RGS6: variants seen among roughly 807,000 people sequenced by gnomAD.
The protein encoded by RGS6 is regulator of G-protein signaling 6.
RGS6 carries 30 observed loss-of-function variants against 78.5 expected under a neutral mutation model. That is an observed-to-expected ratio of 0.38 (90% confidence interval 0.29 to 0.52). RGS6 has a LOEUF of 0.52. RGS6 is among the 20% of genes least tolerant of loss of function. The probability of loss-of-function intolerance (pLI) is 0.85; values close to 1 mark genes in which losing one functional copy is unlikely to be tolerated. For synonymous variants in RGS6, 206 were observed against 206.0 expected, an observed-to-expected ratio of 1.00 and a Z score of 0.00; for missense variants, 495 against 609.7, an observed-to-expected ratio of 0.81 and a Z score of 1.98.
Position 72,562,747 on chromosome 14 carries a change from C to T in RGS6, c.*280C>T. 2.0e-6 allele frequency: 3 copies of T among 1,536,014 alleles called. No individual in the cohort carries two copies. Among genetic ancestry groups the T allele is most frequent in the Non-Finnish European group, 2.6e-6 (3 of 1,146,770 alleles). On this transcript the variant is annotated 3_prime_UTR_variant, in exon 18 of 18. Coordinates refer to ENST00000553525, the MANE Select transcript of RGS6 (RefSeq NM_001204424.2). ...CCAACACTCCACTCGCTAAGAGGCC[C>T]TGATCCCAGCTCATTCAGGGGAGAA... is the stretch of plus-strand genomic sequence containing the variant.
At chr14:72,347,109 T>G (rs2078204205) in intron 2 of RGS6, among the ~76,000 whole-genome samples, 2 of 152,230 alleles carry the variant, frequency 1.3e-5, no homozygotes, top group Admixed American at 1.3e-4. Flanking sequence ...GCTTATTGAT[T>G]GGCACAGTGA....
intron 2 of RGS6, among the ~76,000 whole-genome samples, chr14:72,300,459 G>A (rs186956401): frequency 8.9e-4 from 136 of 152,308 alleles, no homozygotes; most frequent in African/African-American, 3.2e-3. Context: ...GATTATTCCA[G>A]TATAGCAAAA....
At chr14:72,399,070 G>A (rs1288164055) in intron 3 of RGS6, among the ~76,000 whole-genome samples, 2 of 151,124 alleles carry the variant, frequency 1.3e-5, no homozygotes, top group Non-Finnish European at 1.5e-5. Context: ...TATTAGGTCC[G>A]CTTGGTGCAG....
intron 2 of RGS6, among the ~76,000 whole-genome samples, chr14:72,037,888 T>C (rs1394180316): frequency 6.6e-6 from 1 of 152,206 alleles, no homozygotes; most frequent in Non-Finnish European, 1.5e-5. Flanking sequence ...CATATTTCTG[T>C]AGGTTTATTT....
At chr14:72,331,331 G>C (rs1397943926) in intron 2 of RGS6, among the ~76,000 whole-genome samples, 1 of 152,088 alleles carries the variant, frequency 6.6e-6, no homozygotes, top group Non-Finnish European at 1.5e-5. Flanking sequence ...AGGTGGGCAG[G>C]CATTAGGATT....
Position 72,000,901 on chromosome 14 carries a change from C to T in RGS6, c.84+36026C>T, listed in dbSNP as rs554181016. Among the ~76,000 whole-genome samples, 5 of 152,232 alleles carry T rather than the reference C, an allele frequency of 3.3e-5. No homozygotes were observed. In the East Asian group the frequency reaches 9.7e-4, roughly 29 times the overall value. ...GAAAATGGGAGATTGAAATTTGTGG[C>T]TTGTTTTAAAGTGGATTAATTCTTC... On this transcript the variant is annotated intron_variant, in intron 2 of 17. Coordinates refer to ENST00000553525, the MANE Select transcript of RGS6 (RefSeq NM_001204424.2).
intron 3 of RGS6, among the ~76,000 whole-genome samples, chr14:72,367,233 G>A (rs1479115049): frequency 6.6e-6 from 1 of 152,168 alleles, no homozygotes; most frequent in Non-Finnish European, 1.5e-5. Context: ...AATCACTTGT[G>A]TAACTTGTTA....
At chr14:72,606,892 T>C in the RGS6 span, among the ~76,000 whole-genome samples, 1 of 152,056 alleles carries the variant, frequency 6.6e-6, no homozygotes, top group Non-Finnish European at 1.5e-5. Context: ...TCCCTCACCA[T>C]GTGACACACC....
chr14:72,368,076 C>T (rs1417624173), intron 3 of RGS6, among the ~76,000 whole-genome samples: 2 of 152,064 alleles, frequency 1.3e-5, no homozygotes, highest in South Asian at 2.1e-4. Flanking sequence ...AACAGAATGC[C>T]ACAGACTGGG....
chr14:72,075,139 G>A (rs1046362712), intron 2 of RGS6, among the ~76,000 whole-genome samples: 3 of 152,102 alleles, frequency 2.0e-5, no homozygotes, highest in Admixed American at 2.0e-4. Context: ...CACAGATATA[G>A]TTTCTGATTA....
intron 2 of RGS6, among the ~76,000 whole-genome samples, chr14:72,179,519 G>A (rs913257371): frequency 3.3e-5 from 5 of 152,170 alleles, no homozygotes; most frequent in Non-Finnish European, 7.4e-5. Context: ...GGACAGGAAA[G>A]GGGAGCCTTC....
intron 2 of RGS6, among the ~76,000 whole-genome samples, chr14:72,214,479 T>A (rs1869679411): frequency 1.3e-5 from 2 of 152,216 alleles, no homozygotes; most frequent in Admixed American, 1.3e-4. Flanking sequence ...AAGAATCAAA[T>A]AATGAAGCTA....
At chr14:72,153,823 C>T (rs1192556129) in intron 2 of RGS6, among the ~76,000 whole-genome samples, 1 of 152,148 alleles carries the variant, frequency 6.6e-6, no homozygotes, top group Non-Finnish European at 1.5e-5. Context: ...AAAGGCAGAA[C>T]TCCTGATAAG....
chr14:71,948,630 A>G (rs1362117338), intron 1 of RGS6, among the ~76,000 whole-genome samples: 1 of 152,170 alleles, frequency 6.6e-6, no homozygotes, highest in East Asian at 1.9e-4. Context: ...AGATCAAGAA[A>G]GAGAATATTA....
At chr14:72,302,974 G>A (rs753240588) in intron 2 of RGS6, among the ~76,000 whole-genome samples, 8 of 152,142 alleles carry the variant, frequency 5.3e-5, no homozygotes, top group South Asian at 4.1e-4. Context: ...CTTCCCTGCC[G>A]CCATGTAAGA....
At chr14:72,124,094 T>A (rs1409004536) in intron 2 of RGS6, among the ~76,000 whole-genome samples, 1 of 152,228 alleles carries the variant, frequency 6.6e-6, no homozygotes, top group Non-Finnish European at 1.5e-5. Context: ...AGGTGACAGA[T>A]GCTTTGTGTC....
intron 2 of RGS6, among the ~76,000 whole-genome samples, chr14:72,292,547 G>A (rs945774866): frequency 2.0e-5 from 3 of 152,220 alleles, no homozygotes; most frequent in African/African-American, 4.8e-5. Context: ...TCTCTAGTCT[G>A]TTAAACTTCT....
chr14:71,904,304 A>G, the RGS6 span, among the ~76,000 whole-genome samples: 1 of 152,116 alleles, frequency 6.6e-6, no homozygotes, highest in Non-Finnish European at 1.5e-5. Flanking sequence ...GCAAAACTGT[A>G]TTTTCACCCC....
At chr14:72,363,999 T>TAAAAAAAAAAAAAAAAAAAAAAAAAA (rs55943058) in intron 3 of RGS6, among the ~76,000 whole-genome samples, 2 of 46,802 alleles carry the variant, frequency 4.3e-5, no homozygotes, top group South Asian at 1.1e-3. Context: ...TGGACAAGGC[T>TAAAAAAAAAAAAAAAAAAAAAAAAAA]AAAAAAAAAA....
Sources: allele counts gnomAD v4.1 joint callset (sites outside exome capture counted in the v4.1 genomes callset), GRCh38; gene constraint gnomAD v4.1.1; transcripts MANE v1.5; gene names NCBI Gene and HGNC (gene_info 2026-07-23, HGNC 2026-07-21).